The following WNK1 variants were observed in gnomAD, a reference collection of about 807,000 sequenced individuals.
The protein encoded by WNK1 is WNK lysine deficient protein kinase 1.
In WNK1, 38 loss-of-function variants were observed where a neutral mutation model predicts 222.8. The observed-to-expected ratio is 0.17, with a 90% CI of 0.13 to 0.22. WNK1 has a LOEUF of 0.22. WNK1 is among the 10% of genes least tolerant of loss of function. The pLI is 1.00. For missense variants in WNK1, 2,348 were observed against 2,918.4 expected (o/e 0.80, Z 4.50); for synonymous variants, 1,090 against 1,092.9 (o/e 1.00, Z 0.05).
Position 908,852 on chromosome 12 carries a change from T to TGGGGGGGGG in WNK1, c.*65_*66insGGGGGGGGG. On this transcript the variant is annotated 3_prime_UTR_variant, in exon 28 of 28. Coordinates refer to ENST00000315939, the MANE Select transcript of WNK1 (RefSeq NM_018979.4). ...GGAGATGGAATGCTGAGGGGGTGGG[T>TGGGGGGGGG]GGGGGTGGGAAGTAGCCTATATACT... 8.4e-6 allele frequency: 2 copies of TGGGGGGGGG among 237,434 alleles called. No homozygotes were observed. The highest frequency in any genetic ancestry group is 4.8e-5 in the Admixed American group (1 of 20,810). 14.7% of individuals were successfully genotyped at this position (237,434 alleles called of 1,614,324 possible). A position where few individuals can be genotyped will look rare whatever the true frequency, so the allele number is the denominator to read the frequency against.
chr12:868,143 C>T, intron 8 of WNK1: 2 of 1,614,014 alleles, frequency 1.2e-6, no homozygotes, highest in Non-Finnish European at 1.7e-6. Flanking sequence ...GGTACTACAG[C>T]CAGTAGAGTA....
chr12:900,016 C>CTTTTTTTTTTTTTTTT (rs11433731), intron 25 of WNK1, among the ~76,000 whole-genome samples: 1 of 119,642 alleles, frequency 8.4e-6, no homozygotes, highest in Non-Finnish European at 1.7e-5. Context: ...GGATTCTTTT[C>CTTTTTTTTTTTTTTTT]TTTTTTTTTT....
chr12:792,462 C>T (rs1409340601), intron 1 of WNK1, among the ~76,000 whole-genome samples: 12 of 151,516 alleles, frequency 7.9e-5, no homozygotes, highest in African/African-American at 2.7e-4. Flanking sequence ...TACAGGCACC[C>T]GCCACCACGC....
rs1171552405 is a variant in WNK1, at chr12:862,069, C to G, written c.1952-14C>G. 1.9e-6 allele frequency: 3 copies of G among 1,613,442 alleles called. No homozygotes were observed. Among genetic ancestry groups the G allele is most frequent in the South Asian group, 1.1e-5 (1 of 90,992 alleles). ...TCTCTCTCTCTTTTTTTTGGCGATT[C>G]ATTTTTCCTTCAGCTGATGGGACGG... On this transcript the variant is annotated splice_polypyrimidine_tract_variant and intron_variant, in intron 7 of 27. Transcript: ENST00000315939.
In WNK1 at chr12:865,313, C is replaced by G. The variant is rs1035833957; in HGVS notation, c.2139+3043C>G. ...AGAGTGTCCTGCCTATGCACTCTGC[C>G]TCTCAGCGCAAGCACCGACGCTCCA... On this transcript the variant is annotated intron_variant, in intron 8 of 27. Coordinates refer to ENST00000315939, the MANE Select transcript of WNK1 (RefSeq NM_018979.4). 59 of 1,536,020 alleles carry G rather than the reference C, an allele frequency of 3.8e-5. No individual in the cohort carries two copies. Among genetic ancestry groups the G allele is most frequent in the Non-Finnish European group, 4.5e-5 (52 of 1,146,924 alleles).
intron 7 of WNK1, 110 bp from the exon 8 acceptor site, chr12:861,973 A>G: frequency 8.6e-7 from 1 of 1,158,722 alleles, no homozygotes; most frequent in South Asian, 1.3e-5. Context: ...TGTGCAAGGA[A>G]TAACTAGTTA....
chr12:782,978 A>G (rs1943879966), intron 1 of WNK1, among the ~76,000 whole-genome samples: 3 of 151,536 alleles, frequency 2.0e-5, no homozygotes, highest in Admixed American at 6.6e-5. Flanking sequence ...ATTATGGCTC[A>G]CTGCAGCTTC....
chr12:816,358 C>G (rs1947334324), intron 2 of WNK1, among the ~76,000 whole-genome samples: 1 of 152,134 alleles, frequency 6.6e-6, no homozygotes, highest in African/African-American at 2.4e-5. Flanking sequence ...CAGCCTCAAA[C>G]TCCTGGGCTC....
At chr12:854,334 A>T (rs865901222) in intron 4 of WNK1, among the ~76,000 whole-genome samples, 19 of 147,824 alleles carry the variant, frequency 1.3e-4, no homozygotes, top group Non-Finnish European at 2.1e-4. Flanking sequence ...CCTGGGCAAC[A>T]GAGCAAGAAC....
In WNK1 at chr12:880,030, A is replaced by G. The variant is rs147955175; in HGVS notation, c.2831A>G (p.Gln944Arg). The G allele has an allele frequency of 1.4e-5, 23 of 1,613,916 alleles. No homozygotes were observed. In the African/African-American group the frequency reaches 2.7e-4, roughly 19 times the overall value. ...VPLSSGDVLY[Q>R]GFPPRLPPQY... ...CTTTCCTCTGGAGATGTTCTGTACC[A>G]GGTATTGTGTTAGTTAGCAAAAGAG... The change falls in exon 11 of 28, where the codon CAG (glutamine) becomes CGG (arginine). Residue 944 changes from glutamine (Q) to arginine (R), a missense_variant and splice_region_variant. Gln to Arg is a conservative substitution (Grantham distance 43). Coordinates refer to ENST00000315939, the MANE Select transcript of WNK1 (RefSeq NM_018979.4).
chr12:884,309 A>T lies in WNK1; in HGVS notation c.3844+66A>T. On this transcript the variant is annotated intron_variant, in intron 18 of 27. Coordinates refer to ENST00000315939, the MANE Select transcript of WNK1 (RefSeq NM_018979.4). This position sits in a 1 kb window ranked among gnomAD's most constrained non-coding sequence, Gnocchi z 5.6. ...AGTGCCTCTGCTATGTTGAAAGCTT[A>T]ATCATAAAGCAGTAATTTATGATGA... 1.2e-6 allele frequency: 2 copies of T among 1,606,498 alleles called. No homozygotes were observed. Among genetic ancestry groups the T allele is most frequent in the Non-Finnish European group, 1.7e-6 (2 of 1,174,108 alleles).
intron 2 of WNK1, among the ~76,000 whole-genome samples, chr12:824,821 A>G (rs1948223829): frequency 6.6e-6 from 1 of 152,186 alleles, no homozygotes; most frequent in African/African-American, 2.4e-5. Context: ...CAAAAGAAAC[A>G]TACAGTGAGC....
At chr12:798,106 A>G (rs923681551) in intron 1 of WNK1, among the ~76,000 whole-genome samples, 1 of 152,002 alleles carries the variant, frequency 6.6e-6, no homozygotes, top group South Asian at 2.1e-4. Context: ...CTAGTTATGG[A>G]TAGAGCTCCT....
At chr12:838,410 G>GTTA (rs571830233) in intron 4 of WNK1, among the ~76,000 whole-genome samples, 16 of 151,362 alleles carry the variant, frequency 1.1e-4, no homozygotes, top group South Asian at 2.1e-4. Context: ...AATCCTTGTT[G>GTTA]TTATTATTAT....
chr12:883,618 A>T (rs779208816), intron 16 of WNK1, 50 bp downstream of exon 16: 3 of 1,612,696 alleles, frequency 1.9e-6, no homozygotes, highest in Admixed American at 1.7e-5. Context: ...AAATATTTTC[A>T]TAGTTCTAAA....
At chr12:863,774 A>G (rs1434637759) in intron 8 of WNK1, among the ~76,000 whole-genome samples, 1 of 152,192 alleles carries the variant, frequency 6.6e-6, no homozygotes, top group East Asian at 1.9e-4. Flanking sequence ...AATTTGTCTA[A>G]TTCTATTCTT....
rs1166003797 is a variant in WNK1 at position 909,612 on chromosome 12, GATAA to G, written c.*827_*830del. The G allele has an allele frequency of 4.6e-5, 7 of 152,132 alleles. No individual in the cohort carries two copies. The highest frequency in any genetic ancestry group is 1.4e-4 in the African/African-American group (6 of 41,424). 9.4% of individuals were successfully genotyped at this position (152,132 alleles called of 1,614,324 possible). A position where few individuals can be genotyped will look rare whatever the true frequency, so the allele number is the denominator to read the frequency against. ...TTTCCTTTGTATTTCCATTGTATTAGATAAATAAATGTGAATGTAAAATTGTATA... is the reference window on the plus strand; with the variant it reads ...TTTCCTTTGTATTTCCATTGTATTAGATAAATGTGAATGTAAAATTGTATA... On this transcript the variant is annotated 3_prime_UTR_variant, in exon 28 of 28. Transcript: ENST00000315939.
At chr12:904,028 G>T (rs1325977682) in intron 26 of WNK1, among the ~76,000 whole-genome samples, 1 of 152,192 alleles carries the variant, frequency 6.6e-6, no homozygotes, top group Non-Finnish European at 1.5e-5. Context: ...ACTGTGGTGG[G>T]GTTGCTAATG....
intron 23 of WNK1, among the ~76,000 whole-genome samples, chr12:895,586 G>A (rs951870389): frequency 3.3e-5 from 5 of 152,076 alleles, no homozygotes; most frequent in Non-Finnish European, 7.4e-5. Flanking sequence ...AGCCTCCCAA[G>A]TAGCTGGGAT....
Sources: allele counts gnomAD v4.1 joint callset (sites outside exome capture counted in the v4.1 genomes callset), GRCh38; gene constraint gnomAD v4.1.1; non-coding constraint Gnocchi (gnomAD v3.1); transcripts MANE v1.5; gene names NCBI Gene and HGNC (gene_info 2026-07-23, HGNC 2026-07-21).